PILRA: variants seen among roughly 807,000 people sequenced by gnomAD.
PILRA encodes the protein paired immunoglobulin-like type 2 receptor alpha.
A neutral mutation model predicts 33.1 loss-of-function variants in PILRA; 37 were observed. The ratio of observed to expected loss-of-function variants is 1.12; its 90% CI spans 0.86 to 1.47. The LOEUF (loss-of-function observed/expected upper bound fraction) is 1.47. Among genes scored for constraint, PILRA ranks in the 40% most tolerant of loss-of-function variants. The pLI is 0.00. For synonymous variants in PILRA, 146 were observed against 149.9 expected, an observed-to-expected ratio of 0.97 and a Z score of 0.19; for missense variants, 312 against 376.2, an observed-to-expected ratio of 0.83 and a Z score of 1.41.
At position 100,389,125 on chromosome 7, in the gene PILRA, G is replaced by A. The variant is rs145986197; in HGVS notation, c.455-763G>A. ...TCTATATCTTGAAATAAATAAAAAA[G>A]CACTCCGTTAAGACGTGGGGCTGTG... is the stretch of plus-strand genomic sequence containing the variant. On this transcript the variant is annotated intron_variant, in intron 2 of 6. Coordinates refer to ENST00000198536, the MANE Select transcript of PILRA (RefSeq NM_013439.3). Among the ~76,000 whole-genome samples the A allele has an allele frequency of 1.3e-3, 197 of 152,264 alleles. 4 individuals are homozygous for A. In the East Asian group the frequency reaches 0.028, roughly 22 times the overall value.
chr7:100,375,757 A>AACAAACAC (rs1172013218), intron 2 of PILRA, among the ~76,000 whole-genome samples: 3 of 151,840 alleles, frequency 2.0e-5, no homozygotes, highest in African/African-American at 7.2e-5. Flanking sequence ...CAAACAAACA[A>AACAAACAC]ACACAATGAA....
At position 100,374,374 on chromosome 7, in the gene PILRA, G is replaced by A. The variant is rs116478382; in HGVS notation, c.395G>A (p.Arg132Gln). 1.8e-5 allele frequency: 29 copies of A among 1,614,030 alleles called. No homozygotes were observed. Among genetic ancestry groups the A allele is most frequent in the Admixed American group, 3.3e-5 (2 of 60,008 alleles). The change falls in exon 2 of 7, where the codon CGG (arginine) becomes CAG (glutamine). Residue 132 changes from arginine (R) to glutamine (Q), a missense_variant. Coordinates refer to ENST00000198536, the MANE Select transcript of PILRA (RefSeq NM_013439.3). ...VYFCRVELDT[R>Q]SSGRQQWQSI... ...TTCTGCCGAGTTGAGCTGGACACAC[G>A]GAGCTCAGGGAGGCAGCAGTGGCAG...
rs570285252 is a variant in PILRA at position 100,397,932 on chromosome 7, AG to A, written c.707+23del. The A allele has an allele frequency of 1.2e-4, 195 of 1,613,446 alleles. No individual in the cohort carries two copies. The African/African-American group carries it at 2.4e-3, about 20-fold the overall frequency. On this transcript the variant is annotated intron_variant, in intron 4 of 6. Coordinates refer to ENST00000198536, the MANE Select transcript of PILRA (RefSeq NM_013439.3). ...AGCCAGGTGAGTGCTGGGCCTCCCC[AG>A]GGTGGGTTGGGGGGTGCATGTGCAG...
At chr7:100,376,738 A>G (rs1040819249) in intron 2 of PILRA, among the ~76,000 whole-genome samples, 1 of 137,360 alleles carries the variant, frequency 7.3e-6, no homozygotes, top group Non-Finnish European at 1.5e-5. Flanking sequence ...CTGGGATTAC[A>G]GGTGTGAGCC....
chr7:100,397,908 G>T lies in PILRA; in HGVS notation c.703G>T (p.Ala235Ser), dbSNP rs766807358. Residue 235 changes from alanine (A) to serine (S), a missense_variant, in exon 4 of 7, where the codon GCC (alanine) becomes TCC (serine). Physicochemically the swap from Ala to Ser is moderately conservative, Grantham distance 99 (BLOSUM62 1). Transcript: ENST00000198536. Reference sequence around the variant, plus strand: ...GCAGCGGACTAAAGCCACAACCCCAGCCAGGTGAGTGCTGGGCCTCCCCAG... The same window carrying T: ...GCAGCGGACTAAAGCCACAACCCCATCCAGGTGAGTGCTGGGCCTCCCCAG... ...GQQRTKATTPAREPFQNTEEP... is the reference protein window; with the variant it reads ...GQQRTKATTPSREPFQNTEEP... 29 of 1,613,898 alleles carry T rather than the reference G, an allele frequency of 1.8e-5. No individual in the cohort carries two copies. The highest frequency in any genetic ancestry group is 2.4e-5 in the Non-Finnish European group (28 of 1,179,906).
At chr7:100,379,668 C>CAAA (rs57322009) in intron 2 of PILRA, among the ~76,000 whole-genome samples, 25 of 68,992 alleles carry the variant, frequency 3.6e-4, no homozygotes, top group African/African-American at 5.0e-4. Flanking sequence ...ACTCTGTCTC[C>CAAA]AAAAAAAAAA....
At chr7:100,394,798 A>AGTT (rs1429025386) in intron 3 of PILRA, among the ~76,000 whole-genome samples, 5 of 152,286 alleles carry the variant, frequency 3.3e-5, no homozygotes, top group African/African-American at 1.2e-4. Flanking sequence ...CAAAGAATGT[A>AGTT]GTTGGATCCT....
intron 3 of PILRA, among the ~76,000 whole-genome samples, chr7:100,394,178 G>A (rs1791444819): frequency 6.6e-6 from 1 of 152,174 alleles, no homozygotes; most frequent in Non-Finnish European, 1.5e-5. Context: ...TGAGAAGGCA[G>A]GAATGAAGAG....
chr7:100,394,494 C>G (rs1049195350), intron 3 of PILRA, among the ~76,000 whole-genome samples: 1 of 150,278 alleles, frequency 6.7e-6, no homozygotes, highest in African/African-American at 2.5e-5. Context: ...ACACCATGGG[C>G]CAGGCACAAG....
chr7:100,383,386 C>A (rs1051946513), intron 2 of PILRA, among the ~76,000 whole-genome samples: 1 of 152,116 alleles, frequency 6.6e-6, no homozygotes, highest in Non-Finnish European at 1.5e-5. Flanking sequence ...TGGGAGCAGA[C>A]CTGGAGAAGC....
intron 1 of PILRA, 119 bp downstream of exon 1, chr7:100,373,839 G>T: frequency 7.2e-7 from 1 of 1,381,622 alleles, no homozygotes; most frequent in Non-Finnish European, 1.0e-6. Context: ...AAACAAGGGC[G>T]GGTCCCACAG....
intron 3 of PILRA, among the ~76,000 whole-genome samples, chr7:100,397,158 A>C: frequency 7.0e-6 from 1 of 143,708 alleles, no homozygotes. Context: ...GTAGAAGTGG[A>C]AGGGGAGGTC....
intron 4 of PILRA, among the ~76,000 whole-genome samples, chr7:100,399,002 C>T (rs181584084): frequency 5.9e-5 from 9 of 151,758 alleles, no homozygotes; most frequent in South Asian, 2.1e-4. Flanking sequence ...AGTGCAGTGG[C>T]GCAATCATAG....
At position 100,397,452 on chromosome 7, in the gene PILRA, TG is replaced by T. The variant is rs142897625; in HGVS notation, c.674-425del. On this transcript the variant is annotated intron_variant, in intron 3 of 6. Coordinates refer to ENST00000198536, the MANE Select transcript of PILRA (RefSeq NM_013439.3). ...GTCCCAAGCACGACGCTCCCAAGGC[TG>T]GAGGGCAGACATAGCCGCCACCCAG... Among the ~76,000 whole-genome samples the T allele has an allele frequency of 2.8e-3, 423 of 150,310 alleles. 6 individuals are homozygous for T. Among genetic ancestry groups the T allele is most frequent in the African/African-American group, 9.9e-3 (401 of 40,688 alleles).
chr7:100,372,736 G>A (rs1424899049), upstream of PILRA, among the ~76,000 whole-genome samples: 1 of 152,204 alleles, frequency 6.6e-6, no homozygotes, highest in Non-Finnish European at 1.5e-5. Flanking sequence ...CCTGCACTCA[G>A]AAGTTGAGGC....
At chr7:100,376,110 C>G (rs1016256345) in intron 2 of PILRA, 1 of 152,212 alleles carries the variant, frequency 6.6e-6, no homozygotes, top group Non-Finnish European at 1.5e-5. Flanking sequence ...ATAAATTACT[C>G]TTCCCTGCAG....
intron 3 of PILRA, among the ~76,000 whole-genome samples, chr7:100,395,366 TGA>T (rs1791473302): frequency 6.6e-6 from 1 of 152,174 alleles, no homozygotes; most frequent in Non-Finnish European, 1.5e-5. Context: ...TTCTGCCATG[TGA>T]GGACACAGTA....
chr7:100,394,362 C>T (rs1399305546), intron 3 of PILRA, among the ~76,000 whole-genome samples: 1 of 151,972 alleles, frequency 6.6e-6, no homozygotes, highest in Non-Finnish European at 1.5e-5. Context: ...CAAACAAAGA[C>T]ACTACAAGAA....
At chr7:100,373,832 C>G (rs1382810101) in intron 1 of PILRA, 112 bp downstream of exon 1, 2 of 1,446,176 alleles carry the variant, frequency 1.4e-6, no homozygotes, top group African/African-American at 2.8e-5. Context: ...CACCAGGAAA[C>G]AAGGGCGGGT....
Sources: gnomAD v4.1 joint callset for allele counts (sites outside exome capture counted in the v4.1 genomes callset) on GRCh38, gnomAD v4.1.1 for gene constraint, MANE v1.5 for transcripts, NCBI Gene and HGNC (gene_info 2026-07-23, HGNC 2026-07-21) for gene names.